The following SUCLG2 variants were observed in gnomAD, a reference collection of about 807,000 sequenced individuals.
The protein encoded by SUCLG2 is succinate-CoA ligase GDP-forming subunit beta, also known as succinate--CoA ligase [GDP-forming] subunit beta, mitochondrial.
A neutral mutation model predicts 47.9 loss-of-function variants in SUCLG2; 42 were observed. The observed-to-expected ratio is 0.88, with a 90% CI of 0.69 to 1.14. The LOEUF (loss-of-function observed/expected upper bound fraction) is 1.14. Among genes scored for constraint, SUCLG2 ranks in the 50% most tolerant of loss-of-function variants. The pLI is 0.00. For synonymous variants in SUCLG2, 195 were observed against 197.3 expected, an observed-to-expected ratio of 0.99 and a Z score of 0.10; for missense variants, 571 against 525.9, an observed-to-expected ratio of 1.09 and a Z score of -0.84.
At chr3:67,383,725 C>T (rs1161716878) in intron 10 of SUCLG2, among the ~76,000 whole-genome samples, 5 of 152,046 alleles carry the variant, frequency 3.3e-5, no homozygotes, top group South Asian at 4.2e-4. Flanking sequence ...GCTGATGCTA[C>T]GTGCTTATGC....
intron 9 of SUCLG2, among the ~76,000 whole-genome samples, chr3:67,447,224 A>C (rs9871072): frequency 0.071 from 10,868 of 152,258 alleles, 445 homozygotes; most frequent in African/African-American, 0.1. Context: ...CAACTGTAAT[A>C]ATACTAGAAG....
At chr3:67,598,831 CACATTTT>C (rs1173536608) in intron 2 of SUCLG2, among the ~76,000 whole-genome samples, 2 of 152,202 alleles carry the variant, frequency 1.3e-5, no homozygotes, top group Admixed American at 6.5e-5. Context: ...ACTGACATCC[CACATTTT>C]ACAGATGAGG....
At chr3:67,535,553 A>T (rs573471066) in intron 2 of SUCLG2, among the ~76,000 whole-genome samples, 91 of 152,158 alleles carry the variant, frequency 6.0e-4, no homozygotes, top group Non-Finnish European at 1.1e-3. Flanking sequence ...ATCCCTTATG[A>T]ATAGATTACC....
At chr3:67,364,241 C>A (rs1424824557) in intron 10 of SUCLG2, among the ~76,000 whole-genome samples, 1 of 152,168 alleles carries the variant, frequency 6.6e-6, no homozygotes, top group Non-Finnish European at 1.5e-5. Flanking sequence ...ATTAGAAAGG[C>A]TGAGTAGAGA....
intron 2 of SUCLG2, among the ~76,000 whole-genome samples, chr3:67,570,897 T>G (rs1429402372): frequency 6.6e-6 from 1 of 152,162 alleles, no homozygotes; most frequent in Non-Finnish European, 1.5e-5. Context: ...GTGGGTCCTT[T>G]TAGCAAACTG....
chr3:67,603,461 T>A (rs1299220930), intron 2 of SUCLG2, among the ~76,000 whole-genome samples: 1 of 152,226 alleles, frequency 6.6e-6, no homozygotes, highest in Admixed American at 6.5e-5. Flanking sequence ...GAACAAGTTA[T>A]CATATTGACG....
At chr3:67,540,925 A>G (rs1243646908) in intron 2 of SUCLG2, among the ~76,000 whole-genome samples, 2 of 152,242 alleles carry the variant, frequency 1.3e-5, no homozygotes, top group Non-Finnish European at 2.9e-5. Flanking sequence ...GTGGACCGCC[A>G]GCAAATTCCA....
intron 9 of SUCLG2, among the ~76,000 whole-genome samples, chr3:67,453,795 C>A (rs1704114851): frequency 6.6e-6 from 1 of 152,220 alleles, no homozygotes; most frequent in Non-Finnish European, 1.5e-5. Context: ...CTCTTGAAAA[C>A]TACTGTGTTC....
intron 1 of SUCLG2, among the ~76,000 whole-genome samples, chr3:67,614,410 TG>T (rs910220928): frequency 9.9e-5 from 15 of 151,766 alleles, no homozygotes; most frequent in Admixed American, 7.9e-4. Flanking sequence ...TCTCCCCTGC[TG>T]TGACTTCTGC....
rs140858681 is a variant in SUCLG2 at position 67,510,730 on chromosome 3, C to T, written c.661-1827G>A. 3.8e-3 allele frequency among the ~76,000 whole-genome samples: 579 copies of T among 152,160 alleles called. 4 individuals carry two copies. Among genetic ancestry groups the T allele is most frequent in the African/African-American group, 0.013 (556 of 41,500 alleles). On this transcript the variant is annotated intron_variant, in intron 6 of 10. Transcript: ENST00000307227. ...TTTAACCTTTCACTTAAATAATGAC[C>T]AACTGCATTGTTTCTAATAGGTTGA...
intron 1 of SUCLG2, among the ~76,000 whole-genome samples, chr3:67,615,340 G>C (rs1700605469): frequency 6.6e-6 from 1 of 151,952 alleles, no homozygotes; most frequent in Non-Finnish European, 1.5e-5. Flanking sequence ...TAGCACCTGG[G>C]GTGGGGAGGT....
chr3:67,374,822 C>A lies in SUCLG2; in HGVS notation c.*922G>T, dbSNP rs1265263270. ...AATCCTTTCCCACAACAAAATTGGA[C>A]ATCATGGAAAAAAAAAACACATTCA... On this transcript the variant is annotated 3_prime_UTR_variant, in exon 11 of 11. Transcript: ENST00000307227. The A allele has an allele frequency of 3.2e-6, 3 of 950,764 alleles. No homozygotes were observed. Among genetic ancestry groups the A allele is most frequent in the East Asian group, 1.3e-4 (1 of 7,520 alleles). 58.9% of individuals were successfully genotyped at this position (950,764 alleles called of 1,614,324 possible).
intron 1 of SUCLG2, among the ~76,000 whole-genome samples, chr3:67,632,027 G>A (rs1298462322): frequency 2.0e-5 from 3 of 152,144 alleles, no homozygotes; most frequent in Non-Finnish European, 4.4e-5. Context: ...TTCAGTAATC[G>A]TGTTTCCAGA....
intron 1 of SUCLG2, among the ~76,000 whole-genome samples, chr3:67,653,368 A>C (rs1439942681): frequency 6.6e-6 from 1 of 152,228 alleles, no homozygotes; most frequent in Non-Finnish European, 1.5e-5. Flanking sequence ...CCTATTAAGA[A>C]TATTACAGTA....
At chr3:67,471,208 C>T (rs954090736) in intron 9 of SUCLG2, among the ~76,000 whole-genome samples, 4 of 152,102 alleles carry the variant, frequency 2.6e-5, no homozygotes, top group African/African-American at 9.7e-5. Context: ...ATTCAAATGG[C>T]ATTTGGCCAG....
intron 2 of SUCLG2, among the ~76,000 whole-genome samples, chr3:67,553,787 T>C (rs985800257): frequency 1.3e-5 from 2 of 152,168 alleles, no homozygotes; most frequent in South Asian, 2.1e-4. Flanking sequence ...ACATAAAAAT[T>C]ACAAGAGTAA....
chr3:67,475,988 CCTCTCTCTCTCT>C (rs113119377), intron 9 of SUCLG2, among the ~76,000 whole-genome samples: 1 of 146,050 alleles, frequency 6.8e-6, no homozygotes, highest in African/African-American at 2.5e-5. Context: ...TTTCCTTCTC[CCTCTCTCTCTCT>C]CTCTCTCTCT....
chr3:67,409,142 C>T, intron 9 of SUCLG2: 1 of 1,267,766 alleles, frequency 7.9e-7, no homozygotes, highest in Non-Finnish European at 1.1e-6. Context: ...AAAGAGTTGT[C>T]CAGAGCTCAT....
intron 1 of SUCLG2, among the ~76,000 whole-genome samples, chr3:67,654,294 C>T (rs991580124): frequency 6.6e-6 from 1 of 152,328 alleles, no homozygotes; most frequent in African/African-American, 2.4e-5. Context: ...TACCCCGAGG[C>T]ACCCGGGGCT....
Sources: gnomAD v4.1 joint callset for allele counts (sites outside exome capture counted in the v4.1 genomes callset) on GRCh38, gnomAD v4.1.1 for gene constraint, MANE v1.5 for transcripts, NCBI Gene and HGNC (gene_info 2026-07-23, HGNC 2026-07-21) for gene names.